GPR22: variants seen among roughly 807,000 people sequenced by gnomAD.
GPR22 encodes the protein G-protein coupled receptor 22.
In GPR22, 13 loss-of-function variants were observed where a neutral mutation model predicts 31.0. The observed-to-expected ratio is 0.42, with a 90% CI of 0.27 to 0.67. GPR22 has a LOEUF of 0.67. GPR22 is among the 30% of genes least tolerant of loss of function. GPR22 has a pLI of 0.25. For synonymous variants in GPR22, 191 were observed against 173.4 expected, an observed-to-expected ratio of 1.10 and a Z score of -0.80; for missense variants, 368 against 509.6, an observed-to-expected ratio of 0.72 and a Z score of 2.67.
At chr7:107,475,917 T>C (rs530746647), downstream of GPR22, among the ~76,000 whole-genome samples, 23 of 151,196 alleles carry the variant, frequency 1.5e-4, no homozygotes, top group Non-Finnish European at 2.8e-4. Context: ...TTCTTTTAAA[T>C]GTAAAAAATC....
chr7:107,473,844 A>G (rs1456739950), intron 2 of GPR22, among the ~76,000 whole-genome samples, 191 bp from the exon 3 acceptor site: 1 of 152,018 alleles, frequency 6.6e-6, no homozygotes, highest in Non-Finnish European at 1.5e-5. Flanking sequence ...TTCAAAAGGA[A>G]AACACAATTT....
rs747715314 is a variant in GPR22, at chr7:107,474,970, C to A, written c.910C>A (p.Arg304=). Residue 304 remains arginine (R), a synonymous_variant, in exon 3 of 3, where the codon CGA becomes AGA. Coordinates refer to ENST00000304402, the MANE Select transcript of GPR22 (RefSeq NM_005295.3). This position sits in a 1 kb window ranked among gnomAD's most constrained non-coding sequence, Gnocchi z 5.7. The stretch of plus-strand genomic sequence containing the variant: ...GCGAGCTGTGAAACGACACCGTGAA[C>A]GACGAGAAAGACAAAAGAGAGTCTT... The part of the protein sequence containing the change: ...LRRAVKRHRE[R]RERQKRVFRM... The A allele has an allele frequency of 7.4e-6, 12 of 1,612,198 alleles. No individual in the cohort carries two copies. In the Admixed American group the frequency reaches 2.0e-4, roughly 27 times the overall value.
Position 107,470,240 on chromosome 7 carries a change from C to T in GPR22, c.-1163C>T, listed in dbSNP as rs191555933. ...TAGGAAGAGTGAGAGACTGCAGCAGCCTCTAAGCAGCACTACATGTTCCAT... is the reference window on the plus strand; with the variant it reads ...TAGGAAGAGTGAGAGACTGCAGCAGTCTCTAAGCAGCACTACATGTTCCAT... On this transcript the variant is annotated 5_prime_UTR_variant, in exon 1 of 3. Coordinates refer to ENST00000304402, the MANE Select transcript of GPR22 (RefSeq NM_005295.3). 1.1e-4 allele frequency: 16 copies of T among 152,344 alleles called. No individual in the cohort carries two copies. Among genetic ancestry groups the T allele is most frequent in the Admixed American group, 4.6e-4 (7 of 15,290 alleles). The allele number at this position is 152,344 out of a possible 1,614,324, so 9.4% of individuals were successfully genotyped here.
intron 2 of GPR22, chr7:107,472,802 AATT>A (rs1284791012): frequency 1.3e-5 from 2 of 151,956 alleles, no homozygotes; most frequent in Non-Finnish European, 2.9e-5. Flanking sequence ...GAATTTTGAA[AATT>A]ATTAGCTTTT....
chr7:107,473,127 C>T (rs1796740179), intron 2 of GPR22: 1 of 151,792 alleles, frequency 6.6e-6, no homozygotes, highest in African/African-American at 2.4e-5. Context: ...GCTTCACATA[C>T]TCCTTTTCCC....
At chr7:107,470,784 C>T (rs1796587693) in intron 1 of GPR22, among the ~76,000 whole-genome samples, 1 of 151,958 alleles carries the variant, frequency 6.6e-6, no homozygotes, top group Non-Finnish European at 1.5e-5. Flanking sequence ...TACTATTTTG[C>T]TGTTACTTAT....
chr7:107,472,831 T>C (rs1395348586), intron 2 of GPR22: 1 of 151,922 alleles, frequency 6.6e-6, no homozygotes, highest in Non-Finnish European at 1.5e-5. Flanking sequence ...TTATGTTGAA[T>C]ATGATTTTGC....
chr7:107,473,548 T>C (rs1796772805), intron 2 of GPR22, among the ~76,000 whole-genome samples: 1 of 151,988 alleles, frequency 6.6e-6, no homozygotes, highest in Non-Finnish European at 1.5e-5. Flanking sequence ...CTGTACCATT[T>C]GTCATTTTAA....
At position 107,474,592 on chromosome 7, in the gene GPR22, G is replaced by A; in HGVS notation, c.532G>A (p.Glu178Lys). Reference sequence around the variant, plus strand: ...TTTCTCTTTCCTGATTCCTTTTATTGAGGTAAATTTTTTCAGTCTTCAAAG... The same window carrying A: ...TTTCTCTTTCCTGATTCCTTTTATTAAGGTAAATTTTTTCAGTCTTCAAAG... ...SFFSFLIPFI[E>K]VNFFSLQSGN... Residue 178 changes from glutamate to lysine, a missense_variant, in exon 3 of 3, where the codon GAG becomes AAG. Transcript: ENST00000304402. The surrounding 1 kb of genome is among the most constrained non-coding windows in gnomAD (Gnocchi z 5.7). The A allele has an allele frequency of 1.2e-6, 2 of 1,610,108 alleles. No individual in the cohort carries two copies. Among genetic ancestry groups the A allele is most frequent in the East Asian group, 2.2e-5 (1 of 44,816 alleles).
At chr7:107,470,526 C>G (rs1796571610) in intron 1 of GPR22, 81 bp downstream of exon 1, 1 of 151,964 alleles carries the variant, frequency 6.6e-6, no homozygotes, top group African/African-American at 2.4e-5. Flanking sequence ...AAATTTCAGC[C>G]TAAATTTTAA....
intron 1 of GPR22, among the ~76,000 whole-genome samples, chr7:107,470,760 A>C (rs1796585957): frequency 6.6e-6 from 1 of 152,078 alleles, no homozygotes; most frequent in South Asian, 2.1e-4. Context: ...TCTGTTTCTT[A>C]AAAGAACTAG....
intron 2 of GPR22, 99 bp from the exon 3 acceptor site, chr7:107,473,932 TAAAC>T (rs1201460571): frequency 2.6e-5 from 13 of 497,654 alleles, no homozygotes; most frequent in Non-Finnish European, 4.5e-5. Flanking sequence ...ACTTAAAAAT[TAAAC>T]TAAGTACACA....
rs960216716 is a variant in GPR22 at position 107,474,036 on chromosome 7, G to A, written c.-25G>A. ...AGTTTATTCTATTTCACTTTCTAGG[G>A]AAAAAAACCAACTGCTCCAAAAGAA... On this transcript the variant is annotated splice_region_variant and 5_prime_UTR_variant, in exon 3 of 3. Coordinates refer to ENST00000304402, the MANE Select transcript of GPR22 (RefSeq NM_005295.3). The surrounding 1 kb of genome is among the most constrained non-coding windows in gnomAD (Gnocchi z 5.7). 7.6e-7 allele frequency: 1 copy of A among 1,324,148 alleles called. No homozygotes were observed. Among genetic ancestry groups the A allele is most frequent in the African/African-American group, 1.5e-5 (1 of 68,078 alleles). 82.0% of individuals were successfully genotyped at this position (1,324,148 alleles called of 1,614,324 possible).
Position 107,474,731 on chromosome 7 carries a change from T to G in GPR22, c.671T>G (p.Val224Gly). 2 of 1,611,144 alleles carry G rather than the reference T, an allele frequency of 1.2e-6. No individual in the cohort carries two copies. Among genetic ancestry groups the G allele is most frequent in the Non-Finnish European group, 1.7e-6 (2 of 1,178,524 alleles). The change falls in exon 3 of 3, where the codon GTT (valine) becomes GGT (glycine). Residue 224 changes from valine to glycine, a missense_variant. Transcript: ENST00000304402. This position sits in a 1 kb window ranked among gnomAD's most constrained non-coding sequence, Gnocchi z 5.7. Reference sequence around the variant, plus strand: ...CAGATCCCAATATTCTTTTTCACTGTTGTAGTAATGTTAATCACATACACC... The same window carrying G: ...CAGATCCCAATATTCTTTTTCACTGGTGTAGTAATGTTAATCACATACACC... ...LVQIPIFFFT[V>G]VVMLITYTKI...
rs750938733 is a variant in GPR22 at position 107,474,508 on chromosome 7, C to A, written c.448C>A (p.Arg150=). 9 of 1,612,710 alleles carry A rather than the reference C, an allele frequency of 5.6e-6. No individual in the cohort carries two copies. Among genetic ancestry groups the A allele is most frequent in the Non-Finnish European group, 7.6e-6 (9 of 1,179,210 alleles). ...RYDISVKPAN[R]ILTMGRAVML... is the part of the protein sequence containing the mutation. ...TGACATCTCTGTAAAACCTGCAAAC[C>A]GAATTCTGACAATGGGCAGAGCTGT... The change falls in exon 3 of 3, where the codon CGA becomes AGA. Residue 150 remains arginine (R), a synonymous_variant. Coordinates refer to ENST00000304402, the MANE Select transcript of GPR22 (RefSeq NM_005295.3). This position sits in a 1 kb window ranked among gnomAD's most constrained non-coding sequence, Gnocchi z 5.7.
At chr7:107,472,748 T>C (rs895023749) in intron 2 of GPR22, 5 of 151,972 alleles carry the variant, frequency 3.3e-5, no homozygotes, top group African/African-American at 1.2e-4. Flanking sequence ...AATAAAACTG[T>C]ATTCTAAAAC....
chr7:107,476,973 A>C (rs1797033767), downstream of GPR22, among the ~76,000 whole-genome samples: 1 of 151,686 alleles, frequency 6.6e-6, no homozygotes, highest in Non-Finnish European at 1.5e-5. Flanking sequence ...TAATAATGTT[A>C]ACATAATGTC....
At chr7:107,471,220 A>G (rs1796614356) in intron 1 of GPR22, among the ~76,000 whole-genome samples, 152 bp from the exon 2 acceptor site, 1 of 152,134 alleles carries the variant, frequency 6.6e-6, no homozygotes, top group Admixed American at 6.6e-5. Context: ...TAAAGAAACA[A>G]TTTTATGCAT....
chr7:107,474,277 A>G lies in GPR22; in HGVS notation c.217A>G (p.Ile73Val), dbSNP rs1245123236. 1.2e-6 allele frequency: 2 copies of G among 1,611,830 alleles called. No individual in the cohort carries two copies. The highest frequency in any genetic ancestry group is 2.7e-5 in the African/African-American group (2 of 74,824). ...LVLYCMKSNL[I>V]NSVSNIITMN... ...ACTTTACTGCATGAAATCCAACTTA[A>G]TCAACTCTGTCAGTAACATTATTAC... The change falls in exon 3 of 3, where the codon ATC becomes GTC. Residue 73 changes from isoleucine (I) to valine (V), a missense_variant. By Grantham distance (29) the Ile-to-Val change is conservative (BLOSUM62 3). Coordinates refer to ENST00000304402, the MANE Select transcript of GPR22 (RefSeq NM_005295.3). The surrounding 1 kb of genome is among the most constrained non-coding windows in gnomAD (Gnocchi z 5.7).
Sources: allele counts gnomAD v4.1 joint callset (sites outside exome capture counted in the v4.1 genomes callset), GRCh38; gene constraint gnomAD v4.1.1; non-coding constraint Gnocchi (gnomAD v3.1); transcripts MANE v1.5; gene names NCBI Gene and HGNC (gene_info 2026-07-23, HGNC 2026-07-21).